Variants in USP34 observed in about 807,000 individuals in gnomAD.
USP34 encodes ubiquitin specific peptidase 34.
A neutral mutation model predicts 460.3 loss-of-function variants in USP34; 70 were observed. The observed-to-expected ratio is 0.15, with a 90% CI of 0.13 to 0.19. The LOEUF (loss-of-function observed/expected upper bound fraction) is 0.19. Among genes scored for constraint, USP34 ranks in the 10% least tolerant of loss-of-function variants. The pLI is 1.00. For missense variants in USP34, 3,985 were observed against 4,236.2 expected, an observed-to-expected ratio of 0.94 and a Z score of 1.65; for synonymous variants, 1,647 against 1,405.3, an observed-to-expected ratio of 1.17 and a Z score of -3.85.
intron 37 of USP34, among the ~76,000 whole-genome samples, chr2:61,281,704 A>C (rs1269911848): frequency 6.6e-6 from 1 of 152,222 alleles, no homozygotes; most frequent in Non-Finnish European, 1.5e-5. Context: ...ACCATAATAT[A>C]TAAATACAGT....
intron 35 of USP34, among the ~76,000 whole-genome samples, chr2:61,284,211 A>C (rs1157586535): frequency 6.6e-6 from 1 of 152,218 alleles, no homozygotes; most frequent in East Asian, 1.9e-4. Context: ...TACTAAAGAG[A>C]TGTGTGTGAC....
At chr2:61,368,415 G>C (rs1692506734) in intron 10 of USP34, among the ~76,000 whole-genome samples, 1 of 151,486 alleles carries the variant, frequency 6.6e-6, no homozygotes, top group Non-Finnish European at 1.5e-5. Flanking sequence ...CTGGGTGACA[G>C]AGCAAGACTC....
chr2:61,412,429 A>G (rs1467029331), intron 2 of USP34, among the ~76,000 whole-genome samples: 3 of 152,126 alleles, frequency 2.0e-5, no homozygotes, highest in Non-Finnish European at 2.9e-5. Flanking sequence ...AACAATAACA[A>G]AATTCAGAGC....
At chr2:61,229,033 G>C (rs1390615269) in intron 59 of USP34, 38 bp from the exon 60 acceptor site, 1 of 1,452,680 alleles carries the variant, frequency 6.9e-7, no homozygotes, top group Non-Finnish European at 9.2e-7. Context: ...GAATGTATGA[G>C]GTCTGGAAAT....
chr2:61,398,429 A>G (rs1333224753), intron 3 of USP34, among the ~76,000 whole-genome samples: 1 of 123,006 alleles, frequency 8.1e-6, no homozygotes, highest in Non-Finnish European at 1.7e-5. Flanking sequence ...GTGAAAGGGT[A>G]AGGGAGGAGG....
intron 8 of USP34, 28 bp downstream of exon 8, chr2:61,378,329 GTATACT>G: frequency 7.1e-7 from 1 of 1,414,904 alleles, no homozygotes; most frequent in Non-Finnish European, 9.7e-7. Context: ...CATTAAAATG[GTATACT>G]TATATATAAA....
In USP34 at chr2:61,298,537, C is replaced by CAAAAAAAAAA. The variant is rs57087400; in HGVS notation, c.4129-1622_4129-1613dup. Among the ~76,000 whole-genome samples, 38 of 28,288 alleles carry CAAAAAAAAAA rather than the reference C, an allele frequency of 1.3e-3. 7 individuals carry two copies. The highest frequency in any genetic ancestry group is 2.7e-3 in the African/African-American group (16 of 5,846). The allele number at this position is 28,288 out of a possible 152,430, so 18.6% of individuals were successfully genotyped here. A position where few individuals can be genotyped will look rare whatever the true frequency, so the allele number is the denominator to read the frequency against. On this transcript the variant is annotated intron_variant, in intron 29 of 79. Transcript: ENST00000398571. The stretch of plus-strand genomic sequence containing the variant: ...TGGAGGACAGAGTGAGACTCTGTCT[C>CAAAAAAAAAA]AAAAAAAAAAAAAAAAAAAAAAAAA...
chr2:61,423,340 G>C lies in USP34; in HGVS notation c.44-2507C>G, dbSNP rs138144088. 2.7e-3 allele frequency among the ~76,000 whole-genome samples: 418 copies of C among 152,128 alleles called. 1 individual carries two copies. The highest frequency in any genetic ancestry group is 9.4e-3 in the African/African-American group (389 of 41,510). On this transcript the variant is annotated intron_variant, in intron 1 of 79. Transcript: ENST00000398571. Reference sequence around the variant, plus strand: ...ATGGCCAGGCTGCTCTCGAACTCCTGATCATAAGTGATATGCCCGCCTCAG... The same window carrying C: ...ATGGCCAGGCTGCTCTCGAACTCCTCATCATAAGTGATATGCCCGCCTCAG...
At chr2:61,285,116 C>T (rs1193108734) in intron 34 of USP34, among the ~76,000 whole-genome samples, 159 bp from the exon 35 acceptor site, 2 of 152,042 alleles carry the variant, frequency 1.3e-5, no homozygotes, top group Non-Finnish European at 2.9e-5. Context: ...TAAAGAATGT[C>T]GTAAGAATTC....
chr2:61,211,830 T>A lies in USP34; in HGVS notation c.8782A>T (p.Thr2928Ser). ...LEDIKQFKKT[T>S]ISCYLRCLDG... ...AAGCAACGTAAGTAACAACTTATGG[T>A]TGTTTTCTTGAACTGTTTAATATCT... is the stretch of plus-strand genomic sequence containing the variant. The change falls in exon 69 of 80, where the codon ACC becomes TCC. Residue 2928 changes from threonine to serine, a missense_variant. Transcript: ENST00000398571. 1 of 1,607,916 alleles carries A rather than the reference T, an allele frequency of 6.2e-7. No individual in the cohort carries two copies. Among genetic ancestry groups the A allele is most frequent in the Non-Finnish European group, 8.5e-7 (1 of 1,178,120 alleles).
At chr2:61,459,836 G>A (rs1450754193) in intron 1 of USP34, among the ~76,000 whole-genome samples, 1 of 150,712 alleles carries the variant, frequency 6.6e-6, no homozygotes, top group African/African-American at 2.4e-5. Context: ...AAGGTGGGCA[G>A]ATCACCTGAG....
chr2:61,289,790 A>G (rs2103974202), intron 33 of USP34, among the ~76,000 whole-genome samples: 1 of 152,312 alleles, frequency 6.6e-6, no homozygotes, highest in Admixed American at 6.5e-5. Context: ...CTCAAAATGT[A>G]TTGTTACAGA....
chr2:61,207,550 T>G (rs1342009860), intron 70 of USP34: 6 of 152,296 alleles, frequency 3.9e-5, no homozygotes, highest in Non-Finnish European at 8.8e-5. Flanking sequence ...ACAATGTACT[T>G]GTACAGTATG....
At chr2:61,389,978 C>A (rs565784111) in intron 5 of USP34, among the ~76,000 whole-genome samples, 12 of 152,004 alleles carry the variant, frequency 7.9e-5, no homozygotes, top group Non-Finnish European at 1.5e-4. Context: ...ATTCTCCTAT[C>A]TAGTAAAGAG....
At chr2:61,220,166 A>T in intron 67 of USP34, 144 bp downstream of exon 67, 19 of 413,574 alleles carry the variant, frequency 4.6e-5, no homozygotes, top group Non-Finnish European at 6.4e-5. Context: ...AAAAAAAAAA[A>T]AAAAAAAAAA....
At chr2:61,280,769 TAGAGA>T (rs746380252) in intron 38 of USP34, among the ~76,000 whole-genome samples, 3 of 152,154 alleles carry the variant, frequency 2.0e-5, no homozygotes, top group Non-Finnish European at 4.4e-5. Flanking sequence ...TGTGACTTAC[TAGAGA>T]AGAGAGCTCC....
chr2:61,445,332 A>T (rs1036251081), intron 1 of USP34, among the ~76,000 whole-genome samples: 1 of 151,382 alleles, frequency 6.6e-6, no homozygotes, highest in Non-Finnish European at 1.5e-5. Context: ...TCAGGAGATC[A>T]AGACCATCCT....
At chr2:61,352,000 C>A (rs1002130699) in intron 10 of USP34, among the ~76,000 whole-genome samples, 2 of 152,090 alleles carry the variant, frequency 1.3e-5, no homozygotes, top group African/African-American at 4.8e-5. Flanking sequence ...AGTTAAGTAT[C>A]CCCTATCTGA....
In USP34 at chr2:61,240,556, G is replaced by A. The variant is rs530021869; in HGVS notation, c.6777+1004C>T. ...GCCTCCCAAAGTGCTGGGATTACAGGCATGAGCCACCGCGCCCAGCCCATT... is the reference window on the plus strand; with the variant it reads ...GCCTCCCAAAGTGCTGGGATTACAGACATGAGCCACCGCGCCCAGCCCATT... On this transcript the variant is annotated intron_variant, in intron 53 of 79. Coordinates refer to ENST00000398571, the MANE Select transcript of USP34 (RefSeq NM_014709.4). 2.0e-5 allele frequency among the ~76,000 whole-genome samples: 3 copies of A among 151,838 alleles called. No homozygotes were observed. In the East Asian group the frequency reaches 5.8e-4, roughly 30 times the overall value.
Sources: gnomAD v4.1 joint callset for allele counts (sites outside exome capture counted in the v4.1 genomes callset) on GRCh38, gnomAD v4.1.1 for gene constraint, MANE v1.5 for transcripts, NCBI Gene and HGNC (gene_info 2026-07-23, HGNC 2026-07-21) for gene names.